Variants in CROCC2 observed in about 807,000 individuals in gnomAD.
CROCC2 encodes the protein ciliary rootlet coiled-coil protein 2.
Under a neutral mutation model 177.6 loss-of-function variants are expected in CROCC2, and 163 were observed. The ratio of observed to expected loss-of-function variants is 0.92; its 90% CI spans 0.81 to 1.05. The LOEUF (loss-of-function observed/expected upper bound fraction) is 1.05, where lower values mean the gene tolerates loss of function less well. Among genes scored for constraint, CROCC2 ranks in the 50% least tolerant of loss-of-function variants. The pLI is 0.00. For missense variants in CROCC2, 1,929 were observed against 1,797.8 expected (o/e 1.07, Z -1.32); for synonymous variants, 904 against 787.3 (o/e 1.15, Z -2.48).
chr2:240,965,473 G>A lies in CROCC2; in HGVS notation c.3558G>A (p.Arg1186=). The change falls in exon 23 of 32, where the codon AGG becomes AGA. Residue 1186 remains arginine (R), a synonymous_variant. Coordinates refer to ENST00000690015, the MANE Select transcript of CROCC2 (RefSeq NM_001351305.2). ...QCSQEVLELR[R]QAAKAEAKHE... is the part of the protein sequence containing the mutation. Reference sequence around the variant, plus strand: ...CGCAGGAGGTGCTGGAGCTGCGGAGGCAGGCAGCCAAGGCAGAGGCCAAGC... The same window carrying A: ...CGCAGGAGGTGCTGGAGCTGCGGAGACAGGCAGCCAAGGCAGAGGCCAAGC... The A allele has an allele frequency of 1.3e-6, 2 of 1,550,066 alleles. No individual in the cohort carries two copies. The highest frequency in any genetic ancestry group is 2.4e-5 in the East Asian group (1 of 40,920).
At chr2:240,933,891 A>G (rs1268045666) in intron 11 of CROCC2, 39 bp downstream of exon 11, 1 of 1,523,598 alleles carries the variant, frequency 6.6e-7, no homozygotes, top group African/African-American at 1.4e-5. Context: ...CCCCTCCCAC[A>G]GAAGAGACCC....
chr2:240,938,741 G>T (rs984097149), intron 14 of CROCC2, among the ~76,000 whole-genome samples: 2 of 151,460 alleles, frequency 1.3e-5, no homozygotes, highest in Non-Finnish European at 2.9e-5. Context: ...CTTTCTCTCA[G>T]CCATGTTTGT....
intron 15 of CROCC2, among the ~76,000 whole-genome samples, chr2:240,948,754 G>A (rs1574769486): frequency 1.3e-5 from 2 of 152,306 alleles, no homozygotes; most frequent in East Asian, 1.9e-4. Flanking sequence ...AGTTGCGTGC[G>A]TGGCTTTTTG....
In CROCC2 at chr2:240,953,702, C is replaced by A. The variant is rs761494600; in HGVS notation, c.2830-2157C>A. ...CACTTCCCCACACTTCCCTGAGGAA[C>A]CTGTGATGACCCAGTCACAAAACAG... On this transcript the variant is annotated intron_variant, in intron 18 of 31. Coordinates refer to ENST00000690015, the MANE Select transcript of CROCC2 (RefSeq NM_001351305.2). This position sits in a 1 kb window ranked among gnomAD's most constrained non-coding sequence, Gnocchi z 4.0. Among the ~76,000 whole-genome samples the A allele has an allele frequency of 1.3e-5, 2 of 152,188 alleles. No individual in the cohort carries two copies. Among genetic ancestry groups the A allele is most frequent in the Non-Finnish European group, 2.9e-5 (2 of 68,038 alleles).
rs375778053 is a variant in CROCC2, at chr2:240,950,259, G to A, written c.2653-75G>A. On this transcript the variant is annotated intron_variant, in intron 17 of 31. Coordinates refer to ENST00000690015, the MANE Select transcript of CROCC2 (RefSeq NM_001351305.2). ...TCAGCCCTGGCATCCCACGGGCCAG[G>A]TCTCACTCAGGACCATAGACAACTG... The A allele has an allele frequency of 3.5e-6, 5 of 1,444,244 alleles. No homozygotes were observed. In the East Asian group the frequency reaches 9.9e-5, roughly 29 times the overall value. 89.5% of individuals were successfully genotyped at this position (1,444,244 alleles called of 1,614,324 possible). A position where few individuals can be genotyped will look rare whatever the true frequency, so the allele number is the denominator to read the frequency against.
Position 240,988,760 on chromosome 2 carries a change from A to G in CROCC2, c.4573A>G (p.Arg1525Gly). 1 of 1,491,774 alleles carries G rather than the reference A, an allele frequency of 6.7e-7. No homozygotes were observed. Among genetic ancestry groups the G allele is most frequent in the African/African-American group, 1.4e-5 (1 of 71,500 alleles). The allele number at this position is 1,491,774 out of a possible 1,614,324, so 92.4% of individuals were successfully genotyped here. The change falls in exon 29 of 32, where the codon AGG becomes GGG. Residue 1525 changes from arginine (R) to glycine (G), a missense_variant. Physicochemically the swap from Arg to Gly is moderately radical, Grantham distance 125. Coordinates refer to ENST00000690015, the MANE Select transcript of CROCC2 (RefSeq NM_001351305.2). ...LRQMEQETLK[R>G]EEDVARLGAE... ...GCAGATGGAGCAAGAGACACTGAAG[A>G]GGGAGGAGGATGTGGCGAGGCTGGG...
intron 28 of CROCC2, among the ~76,000 whole-genome samples, chr2:240,987,472 G>C (rs1450896189): frequency 4.6e-5 from 7 of 152,128 alleles, no homozygotes; most frequent in Non-Finnish European, 1.0e-4. Flanking sequence ...TTCAGTGCAG[G>C]GGACTCTCTG....
At position 240,965,423 on chromosome 2, in the gene CROCC2, G is replaced by A. The variant is rs1412844930; in HGVS notation, c.3508G>A (p.Ala1170Thr). 6.5e-7 allele frequency: 1 copy of A among 1,549,630 alleles called. No homozygotes were observed. Among genetic ancestry groups the A allele is most frequent in the African/African-American group, 1.4e-5 (1 of 73,022 alleles). ...KAENQRRSGE[A>T]HELQAQCSQE... is the part of the protein sequence containing the mutation. Reference sequence around the variant, plus strand: ...CGAGAACCAGAGGAGGAGTGGAGAGGCCCATGAGCTGCAGGCGCAGTGCTC... The same window carrying A: ...CGAGAACCAGAGGAGGAGTGGAGAGACCCATGAGCTGCAGGCGCAGTGCTC... The change falls in exon 23 of 32, where the codon GCC becomes ACC. Residue 1170 changes from alanine to threonine, a missense_variant. Physicochemically the swap from Ala to Thr is moderately conservative, Grantham distance 58 (BLOSUM62 0). Transcript: ENST00000690015.
At chr2:240,931,748 G>T (rs529461308) in intron 7 of CROCC2, among the ~76,000 whole-genome samples, 1 of 152,322 alleles carries the variant, frequency 6.6e-6, no homozygotes, top group Admixed American at 6.5e-5. Flanking sequence ...CCACCAGGCT[G>T]ACAGGCAGAA....
intron 1 of CROCC2, among the ~76,000 whole-genome samples, chr2:240,907,254 TG>T (rs1314382497): frequency 6.6e-6 from 1 of 152,142 alleles, no homozygotes; most frequent in African/African-American, 2.4e-5. Context: ...TCGTAGCACC[TG>T]GTGTGTGACA....
In CROCC2 at chr2:240,930,283, GCC is replaced by G; in HGVS notation, c.749+17_749+18del. On this transcript the variant is annotated intron_variant, in intron 6 of 31. Transcript: ENST00000690015. ...AGCCACTGAGAGGTGAGTGCCAGCC[GCC>G]CCACCTGGGGCCAGGCACCAGGCTG... 2.0e-6 allele frequency: 1 copy of G among 501,814 alleles called. No individual in the cohort carries two copies. The highest frequency in any genetic ancestry group is 3.7e-6 in the Non-Finnish European group (1 of 273,806). 31.1% of individuals were successfully genotyped at this position (501,814 alleles called of 1,614,324 possible).
At position 240,932,350 on chromosome 2, in the gene CROCC2, T is replaced by C. The variant is rs2059437606; in HGVS notation, c.980T>C (p.Leu327Pro). The change falls in exon 8 of 32, where the codon CTT becomes CCT. Residue 327 changes from leucine to proline, a missense_variant. Leu to Pro is a moderately conservative substitution (Grantham distance 98). This residue lies in a region of CROCC2 where 1,397 missense variants were observed against 1,239.9 expected (regional missense o/e 1.13). Coordinates refer to ENST00000690015, the MANE Select transcript of CROCC2 (RefSeq NM_001351305.2). Reference sequence around the variant, plus strand: ...GAGCAAACCCTGCTGGTGGAGAAGCTTACAGAGCAGAATGAGCAGAAGGCG... The same window carrying C: ...GAGCAAACCCTGCTGGTGGAGAAGCCTACAGAGCAGAATGAGCAGAAGGCG... ...LSEQTLLVEK[L>P]TEQNEQKAKT... 3 of 717,200 alleles carry C rather than the reference T, an allele frequency of 4.2e-6. No individual in the cohort carries two copies. In the East Asian group the frequency reaches 8.1e-5, roughly 19 times the overall value. The allele number at this position is 717,200 out of a possible 1,614,324, so 44.4% of individuals were successfully genotyped here.
At chr2:240,928,446 G>GTGTGTGTGTGTGTGTGTGTGTT (rs2059407434) in intron 5 of CROCC2, among the ~76,000 whole-genome samples, 1 of 151,300 alleles carries the variant, frequency 6.6e-6, no homozygotes, top group East Asian at 2.0e-4. Flanking sequence ...GTGTGTGTGT[G>GTGTGTGTGTGTGTGTGTGTGTT]TGTGTGTAGC....
At chr2:240,976,959 A>G (rs1333217776) in intron 27 of CROCC2, among the ~76,000 whole-genome samples, 4 of 36,456 alleles carry the variant, frequency 1.1e-4, no homozygotes, top group Non-Finnish European at 2.0e-4. Context: ...ATCCCTGCTC[A>G]GTCTCTGGGG....
chr2:240,989,099 T>C (rs2059860588), intron 29 of CROCC2, among the ~76,000 whole-genome samples: 1 of 152,118 alleles, frequency 6.6e-6, no homozygotes, highest in African/African-American at 2.4e-5. Context: ...CTTGAGACAT[T>C]GAAGTCCCCA....
At chr2:240,935,139 T>G in intron 13 of CROCC2, 77 bp downstream of exon 13, 1 of 1,318,814 alleles carries the variant, frequency 7.6e-7, no homozygotes, top group Non-Finnish European at 9.8e-7. Flanking sequence ...GCCCTAGGCC[T>G]TCTTTCCATC....
rs751392680 is a variant in CROCC2 at position 240,917,399 on chromosome 2, T to A, written c.79-1327T>A. The stretch of plus-strand genomic sequence containing the variant: ...ATGCACCAGGTGCAGGAGGCCTGGC[T>A]GGGGTTGGGAGGAGGGTGGGGGAGC... On this transcript the variant is annotated intron_variant, in intron 1 of 31. Transcript: ENST00000690015. This position sits in a 1 kb window ranked among gnomAD's most constrained non-coding sequence, Gnocchi z 4.9. Among the ~76,000 whole-genome samples, 3 of 151,910 alleles carry A rather than the reference T, an allele frequency of 2.0e-5. No individual in the cohort carries two copies. The highest frequency in any genetic ancestry group is 4.4e-5 in the Non-Finnish European group (3 of 67,922).
At chr2:240,915,259 G>A (rs544934243) in intron 1 of CROCC2, among the ~76,000 whole-genome samples, 3 of 151,570 alleles carry the variant, frequency 2.0e-5, no homozygotes, top group Non-Finnish European at 4.4e-5. Context: ...TGAAACCCCC[G>A]GTCCCCAGCA....
At chr2:240,911,759 C>T (rs933768312) in intron 1 of CROCC2, among the ~76,000 whole-genome samples, 2 of 152,038 alleles carry the variant, frequency 1.3e-5, no homozygotes, top group African/African-American at 4.8e-5. Flanking sequence ...CCCTTCGTGG[C>T]GGGCTTATTT....
Sources: gnomAD v4.1 joint callset for allele counts (sites outside exome capture counted in the v4.1 genomes callset) on GRCh38, gnomAD v4.1.1 for gene constraint, gnomAD v4.1.1 regional missense constraint, Gnocchi (gnomAD v3.1) non-coding constraint, MANE v1.5 for transcripts, NCBI Gene and HGNC (gene_info 2026-07-23, HGNC 2026-07-21) for gene names.